The following RASSF3 variants were observed in gnomAD, a reference collection of about 807,000 sequenced individuals.
RASSF3 encodes ras association domain-containing protein 3.
A neutral mutation model predicts 19.9 loss-of-function variants in RASSF3; 19 were observed. The observed-to-expected ratio is 0.96, with a 90% CI of 0.67 to 1.40. The LOEUF is 1.40. Ranked by LOEUF, RASSF3 falls within the 40% of genes most tolerant of loss-of-function variation. The pLI is 0.00. For synonymous variants in RASSF3, 110 were observed against 104.2 expected (o/e 1.06, Z -0.34); for missense variants, 306 against 289.8 (o/e 1.06, Z -0.41).
At chr12:64,679,721 G>A (rs1300455354) in intron 1 of RASSF3, among the ~76,000 whole-genome samples, 1 of 152,216 alleles carries the variant, frequency 6.6e-6, no homozygotes, top group Non-Finnish European at 1.5e-5. Context: ...TGGAAACAAT[G>A]AGGGAAGAGT....
At chr12:64,560,644 G>A (rs1398390191) in intron 2 of RASSF3, among the ~76,000 whole-genome samples, 2 of 152,236 alleles carry the variant, frequency 1.3e-5, no homozygotes, top group African/African-American at 2.4e-5. Flanking sequence ...TGGGCAATGA[G>A]GGAGCCAGTC....
intron 2 of RASSF3, among the ~76,000 whole-genome samples, chr12:64,548,370 T>C (rs1869105011): frequency 6.6e-6 from 1 of 151,886 alleles, no homozygotes; most frequent in Non-Finnish European, 1.5e-5. Flanking sequence ...TTATTTTTTT[T>C]GTAGAGAAGA....
intron 3 of RASSF3, among the ~76,000 whole-genome samples, chr12:64,689,350 C>T (rs551781078): frequency 6.6e-6 from 1 of 152,120 alleles, no homozygotes; most frequent in Non-Finnish European, 1.5e-5. Flanking sequence ...TCTTCAGTTA[C>T]ACAGGATGAA....
upstream of RASSF3, among the ~76,000 whole-genome samples, chr12:64,528,805 T>C (rs760082893): frequency 6.6e-6 from 1 of 152,188 alleles, no homozygotes; most frequent in Non-Finnish European, 1.5e-5. Flanking sequence ...CCCCCGCAGC[T>C]GTGACTCGCA....
At chr12:64,578,419 C>A (rs540933392) in intron 2 of RASSF3, among the ~76,000 whole-genome samples, 1 of 152,088 alleles carries the variant, frequency 6.6e-6, no homozygotes, top group East Asian at 1.9e-4. Flanking sequence ...TTTGGAAGGC[C>A]AAGGCGGGAG....
chr12:64,544,262 G>T (rs1422703451), downstream of RASSF3, among the ~76,000 whole-genome samples: 8 of 151,756 alleles, frequency 5.3e-5, no homozygotes, highest in African/African-American at 1.9e-4. Flanking sequence ...AACAACTCCA[G>T]ACGCACTGCC....
At chr12:64,561,605 C>G (rs1007089400) in intron 2 of RASSF3, among the ~76,000 whole-genome samples, 5 of 152,038 alleles carry the variant, frequency 3.3e-5, no homozygotes, top group African/African-American at 1.2e-4. Context: ...AACAAGACCC[C>G]TGTATAATGC....
chr12:64,674,669 C>A (rs1872817742), intron 1 of RASSF3, among the ~76,000 whole-genome samples: 1 of 152,112 alleles, frequency 6.6e-6, no homozygotes, highest in Admixed American at 6.6e-5. Context: ...TGTTGTGGAT[C>A]CTAAACCTGA....
chr12:64,520,083 A>G (rs777943861), intron 1 of RASSF3, among the ~76,000 whole-genome samples: 30 of 152,220 alleles, frequency 2.0e-4, no homozygotes, highest in Non-Finnish European at 3.5e-4. Flanking sequence ...ATTTATATTG[A>G]AACCTGGCAC....
At chr12:64,544,268 C>A (rs528746966), downstream of RASSF3, among the ~76,000 whole-genome samples, 22 of 152,030 alleles carry the variant, frequency 1.4e-4, no homozygotes, top group South Asian at 1.5e-3. Flanking sequence ...TCCAGACGCA[C>A]TGCCTTAAGA....
chr12:64,688,126 T>C (rs1873428598), intron 2 of RASSF3, 90 bp from the exon 3 acceptor site: 3 of 851,720 alleles, frequency 3.5e-6, no homozygotes, highest in Admixed American at 3.6e-5. Context: ...AACAAAGGAG[T>C]GTTTCACCTT....
intron 1 of RASSF3, among the ~76,000 whole-genome samples, chr12:64,525,501 G>A (rs1868565319): frequency 6.6e-6 from 1 of 152,092 alleles, no homozygotes; most frequent in African/African-American, 2.4e-5. Flanking sequence ...AGGCCTGACT[G>A]GCAAAGCCAT....
chr12:64,552,514 G>C lies in RASSF3; in HGVS notation c.294+10809G>C, dbSNP rs559941985. The stretch of plus-strand genomic sequence containing the variant: ...ACATCCACTAACTATTTTTCCTAAG[G>C]CTCTCCCTCCCGCTACCCCACCTCC... On this transcript the variant is annotated intron_variant, in intron 2 of 5. Transcript: ENST00000637125. Among the ~76,000 whole-genome samples the C allele has an allele frequency of 2.0e-5, 3 of 152,108 alleles. No homozygotes were observed. The South Asian group carries it at 6.2e-4, about 32-fold the overall frequency.
At chr12:64,564,436 G>A (rs541860782) in intron 2 of RASSF3, among the ~76,000 whole-genome samples, 86 of 151,586 alleles carry the variant, frequency 5.7e-4, no homozygotes, top group Admixed American at 1.7e-3. Flanking sequence ...AGGCTGGAGT[G>A]CAATGGCATG....
At chr12:64,651,432 C>T (rs1871949446) in intron 1 of RASSF3, among the ~76,000 whole-genome samples, 1 of 152,186 alleles carries the variant, frequency 6.6e-6, no homozygotes, top group Non-Finnish European at 1.5e-5. Flanking sequence ...GATACTGGCT[C>T]ACTGCAACCT....
chr12:64,635,343 G>C (rs925968738), intron 1 of RASSF3, among the ~76,000 whole-genome samples: 1 of 151,950 alleles, frequency 6.6e-6, no homozygotes, highest in East Asian at 1.9e-4. Context: ...CATTTATTAC[G>C]TGCCTGTCTA....
intron 1 of RASSF3, among the ~76,000 whole-genome samples, chr12:64,656,734 C>T (rs1167173555): frequency 2.0e-5 from 3 of 152,246 alleles, no homozygotes; most frequent in South Asian, 2.1e-4. Context: ...TGGGCCTGCC[C>T]GTCTGATGGA....
intron 1 of RASSF3, among the ~76,000 whole-genome samples, chr12:64,526,231 T>G (rs1201881957): frequency 6.6e-6 from 1 of 152,218 alleles, no homozygotes; most frequent in African/African-American, 2.4e-5. Context: ...TACAGCATGA[T>G]GTTTTGAAAT....
At chr12:64,534,271 A>G (rs2136111289) in intron 1 of RASSF3, among the ~76,000 whole-genome samples, 1 of 152,064 alleles carries the variant, frequency 6.6e-6, no homozygotes, top group African/African-American at 2.4e-5. Flanking sequence ...CTAAAAATAT[A>G]AAAGAAAAGA....
Sources: gnomAD v4.1 joint callset for allele counts (sites outside exome capture counted in the v4.1 genomes callset) on GRCh38, gnomAD v4.1.1 for gene constraint, MANE v1.5 for transcripts, NCBI Gene and HGNC (gene_info 2026-07-23, HGNC 2026-07-21) for gene names.